RYR3: variants seen among roughly 807,000 people sequenced by gnomAD.
RYR3 encodes the protein ryanodine receptor 3.
RYR3 carries 207 observed loss-of-function variants against 584.3 expected under a neutral mutation model. The observed-to-expected ratio is 0.35, with a 90% CI of 0.32 to 0.40. RYR3 has a LOEUF of 0.40. Ranked by LOEUF, RYR3 falls within the 10% of genes least tolerant of loss-of-function variation. The pLI, the probability that RYR3 is intolerant of heterozygous loss-of-function variation, is 1.00. For missense variants in RYR3, 5,616 were observed against 6,089.2 expected (o/e 0.92, Z 2.59); for synonymous variants, 2,416 against 2,248.5 (o/e 1.07, Z -2.11).
intron 1 of RYR3, among the ~76,000 whole-genome samples, chr15:33,346,178 T>C (rs1972439088): frequency 6.6e-6 from 1 of 152,218 alleles, no homozygotes; most frequent in Non-Finnish European, 1.5e-5. Context: ...TCTTGGAAAT[T>C]AGAGAAATAC....
At chr15:33,716,405 C>A (rs1313487526) in intron 43 of RYR3, among the ~76,000 whole-genome samples, 17 of 152,180 alleles carry the variant, frequency 1.1e-4, no homozygotes, top group Admixed American at 1.1e-3. Context: ...TCCCACTGGA[C>A]TCCCTGGAAT....
At chr15:33,414,156 T>C (rs1282620087) in intron 1 of RYR3, among the ~76,000 whole-genome samples, 4 of 152,216 alleles carry the variant, frequency 2.6e-5, no homozygotes, top group African/African-American at 7.2e-5. Context: ...TTAGTCATAC[T>C]ATAAAATTAT....
intron 60 of RYR3, 146 bp from the exon 61 acceptor site, chr15:33,768,512 A>G: frequency 4.2e-6 from 3 of 711,530 alleles, no homozygotes; most frequent in South Asian, 1.7e-5. Context: ...GGACCAGAGG[A>G]TTCTTTGCTA....
rs1323281023 is a variant in RYR3 at position 33,753,693 on chromosome 15, G to A, written c.8400-1372G>A. Among the ~76,000 whole-genome samples, 2 of 152,070 alleles carry A rather than the reference G, an allele frequency of 1.3e-5. 1 individual carries two copies. The highest frequency in any genetic ancestry group is 1.3e-4 in the Admixed American group (2 of 15,278). ...CAAACATTTCTATTGTATCTCATAT[G>A]AAAAAAATAGCAAGACTTATTTGCC... On this transcript the variant is annotated intron_variant, in intron 57 of 103. Coordinates refer to ENST00000634891, the MANE Select transcript of RYR3 (RefSeq NM_001036.6).
chr15:33,363,716 G>T (rs753801932), intron 1 of RYR3, among the ~76,000 whole-genome samples: 4 of 152,124 alleles, frequency 2.6e-5, no homozygotes, highest in Non-Finnish European at 4.4e-5. Context: ...TTGAGCTCAA[G>T]AAATTTTTGT....
At chr15:33,381,865 T>C (rs2041213163) in intron 1 of RYR3, among the ~76,000 whole-genome samples, 1 of 152,194 alleles carries the variant, frequency 6.6e-6, no homozygotes, top group Non-Finnish European at 1.5e-5. Context: ...ACTCGCCCCA[T>C]CTTCTTTTCA....
chr15:33,717,746 GGGGT>G (rs2067606914), intron 43 of RYR3, among the ~76,000 whole-genome samples: 1 of 152,172 alleles, frequency 6.6e-6, no homozygotes, highest in African/African-American at 2.4e-5. Flanking sequence ...CAGGTCTGCG[GGGGT>G]GGCTCTGTTC....
chr15:33,353,282 G>A (rs1973521123), intron 1 of RYR3, among the ~76,000 whole-genome samples: 1 of 152,174 alleles, frequency 6.6e-6, no homozygotes, highest in Admixed American at 6.5e-5. Context: ...GAATACTGAT[G>A]TGATTTGATA....
At chr15:33,845,870 A>C (rs1486540600) in intron 93 of RYR3, among the ~76,000 whole-genome samples, 1 of 152,250 alleles carries the variant, frequency 6.6e-6, no homozygotes, top group Admixed American at 6.5e-5. Flanking sequence ...TCTAAAACTC[A>C]GTGGTCTAAA....
intron 91 of RYR3, among the ~76,000 whole-genome samples, chr15:33,842,639 C>G (rs2078444798): frequency 1.3e-5 from 2 of 152,034 alleles, no homozygotes. Flanking sequence ...GCTGATTTTT[C>G]TGGGGAAGAT....
At chr15:33,845,647 C>A (rs2078678243) in intron 93 of RYR3, among the ~76,000 whole-genome samples, 1 of 152,196 alleles carries the variant, frequency 6.6e-6, no homozygotes, top group South Asian at 2.1e-4. Context: ...CTAGGAGTCC[C>A]ATTTCAGGTA....
chr15:33,379,911 C>A (rs1404933355), intron 1 of RYR3, among the ~76,000 whole-genome samples: 3 of 151,916 alleles, frequency 2.0e-5, no homozygotes, highest in Admixed American at 2.0e-4. Flanking sequence ...TTCCCAGAGT[C>A]CAAAGGCTGA....
At chr15:33,414,780 G>A (rs2141531121) in intron 1 of RYR3, among the ~76,000 whole-genome samples, 1 of 152,222 alleles carries the variant, frequency 6.6e-6, no homozygotes, top group South Asian at 2.1e-4. Flanking sequence ...TTTTAGTAGA[G>A]ACAGGGTTTC....
chr15:33,409,591 G>A (rs2043263863), intron 1 of RYR3, among the ~76,000 whole-genome samples: 1 of 152,124 alleles, frequency 6.6e-6, no homozygotes, highest in Non-Finnish European at 1.5e-5. Flanking sequence ...CCAGTTTCTG[G>A]TGTCCAGTGT....
chr15:33,602,143 T>C (rs903963233), intron 17 of RYR3, among the ~76,000 whole-genome samples: 5 of 152,212 alleles, frequency 3.3e-5, no homozygotes, highest in Admixed American at 2.6e-4. Flanking sequence ...GCCTACACAC[T>C]AATCCACAAT....
intron 47 of RYR3, among the ~76,000 whole-genome samples, chr15:33,730,768 C>T (rs1183235327): frequency 6.6e-6 from 1 of 152,140 alleles, no homozygotes; most frequent in Non-Finnish European, 1.5e-5. Flanking sequence ...TCCATTCATC[C>T]GTCTAAATGT....
At chr15:33,503,075 A>G (rs1002299072) in intron 2 of RYR3, among the ~76,000 whole-genome samples, 10 of 152,256 alleles carry the variant, frequency 6.6e-5, no homozygotes, top group Non-Finnish European at 1.2e-4. Flanking sequence ...AATGATTGTT[A>G]TAGGGATCAT....
Position 33,566,698 on chromosome 15 carries a change from C to T in RYR3, c.1167C>T (p.Gly389=), listed in dbSNP as rs1366442425. The change falls in exon 12 of 104, where the codon GGC becomes GGT. Residue 389 remains glycine, a synonymous_variant. Transcript: ENST00000634891. ...GGTAGGTCATACTCCATCAGGAAGG[C>T]CACATGGATGATGGATTAACACTGC... The part of the protein sequence containing the change: ...LKRKVILHQE[G]HMDDGLTLQR... 3 of 1,613,598 alleles carry T rather than the reference C, an allele frequency of 1.9e-6. No individual in the cohort carries two copies. The South Asian group carries it at 3.3e-5, about 18-fold the overall frequency.
At chr15:33,863,479 T>C (rs1378748303) in intron 102 of RYR3, among the ~76,000 whole-genome samples, 2 of 152,116 alleles carry the variant, frequency 1.3e-5, no homozygotes, top group Non-Finnish European at 1.5e-5. Context: ...ACAATCCTTT[T>C]CCGGAAGGGC....
Sources: allele counts gnomAD v4.1 joint callset (sites outside exome capture counted in the v4.1 genomes callset), GRCh38; gene constraint gnomAD v4.1.1; transcripts MANE v1.5; gene names NCBI Gene and HGNC (gene_info 2026-07-23, HGNC 2026-07-21).